Variants in PCDHGB2 observed in about 807,000 individuals in gnomAD.
The protein encoded by PCDHGB2 is protocadherin gamma subfamily B, 2.
PCDHGB2 carries 55 observed loss-of-function variants against 59.3 expected under a neutral mutation model. That is an observed-to-expected ratio of 0.93 (90% CI 0.75 to 1.16). The LOEUF is 1.16. PCDHGB2 is among the 50% of genes most tolerant of loss of function. PCDHGB2 has a pLI of 0.00. For synonymous variants in PCDHGB2, 516 were observed against 512.0 expected (o/e 1.01, Z -0.11); for missense variants, 1,228 against 1,198.5 (o/e 1.02, Z -0.36).
At chr5:141,400,036 C>G (rs1232257433) in intron 1 of PCDHGB2, 28 of 1,613,256 alleles carry the variant, frequency 1.7e-5, no homozygotes, top group Non-Finnish European at 2.4e-5. Context: ...GGCCCGCCAG[C>G]GCCTGCTGGT....
At chr5:141,364,258 C>T (rs1763242096) in intron 1 of PCDHGB2, 2 of 1,497,150 alleles carry the variant, frequency 1.3e-6, no homozygotes, top group Non-Finnish European at 1.8e-6. Flanking sequence ...GAATATGTAC[C>T]CATCGGCTTT....
At chr5:141,475,832 T>G in intron 1 of PCDHGB2, 1 of 410,610 alleles carries the variant, frequency 2.4e-6, no homozygotes, top group Non-Finnish European at 4.4e-6. Flanking sequence ...CTAGCGCGTG[T>G]CCTGCTCAGA....
At position 141,362,552 on chromosome 5, in the gene PCDHGB2, T is replaced by C. The variant is rs190493890; in HGVS notation, c.2417T>C (p.Leu806Ser). 340 of 1,612,744 alleles carry C rather than the reference T, an allele frequency of 2.1e-4. 1 individual carries two copies. The East Asian group carries it at 6.1e-3, about 29-fold the overall frequency. Reference protein sequence around the residue: ...AGVPFASDTILKQAPPNTDWR... With the variant: ...AGVPFASDTISKQAPPNTDWR... ...GTCCCTTTTGCCTCAGATACTATTT[T>C]GAAGGTGAGCTTTAATTAATTTATT... The change falls in exon 1 of 4, where the codon TTG (leucine) becomes TCG (serine). Residue 806 changes from leucine (L) to serine (S), a missense_variant. Leu to Ser is a moderately radical substitution (Grantham distance 145). Around this residue, in one of 3 missense-constraint regions of PCDHGB2, gnomAD observed 433 missense variants for 441.8 expected, o/e 0.98. Transcript: ENST00000522605.
At chr5:141,408,450 A>C in intron 1 of PCDHGB2, 1 of 1,613,944 alleles carries the variant, frequency 6.2e-7, no homozygotes, top group Non-Finnish European at 8.5e-7. Flanking sequence ...GAGAGCGGGG[A>C]CTTACTTGTG....
intron 1 of PCDHGB2, chr5:141,395,296 ATG>A: frequency 6.6e-7 from 1 of 1,524,308 alleles, no homozygotes. Flanking sequence ...GGCATAAATT[ATG>A]TTTTGAAAAA....
At chr5:141,468,877 T>C (rs1321110515) in intron 1 of PCDHGB2, among the ~76,000 whole-genome samples, 2 of 149,546 alleles carry the variant, frequency 1.3e-5, no homozygotes, top group African/African-American at 4.9e-5. Context: ...AAAATAATAA[T>C]AATAATAATA....
chr5:141,432,940 T>C lies in PCDHGB2; in HGVS notation c.2422-61867T>C, dbSNP rs142546730. On this transcript the variant is annotated intron_variant, in intron 1 of 3. Transcript: ENST00000522605. This position sits in a 1 kb window ranked among gnomAD's most constrained non-coding sequence, Gnocchi z 6.0. ...GGCACAAGTCACGCCTGCTGCAGGC[T>C]TCAGGAGGCGGCTTGACAGGAGCGC... 6 of 1,614,208 alleles carry C rather than the reference T, an allele frequency of 3.7e-6. No individual in the cohort carries two copies. The highest frequency in any genetic ancestry group is 4.2e-6 in the Non-Finnish European group (5 of 1,180,040).
At chr5:141,399,916 A>G in intron 1 of PCDHGB2, 3 of 1,612,378 alleles carry the variant, frequency 1.9e-6, no homozygotes, top group Non-Finnish European at 1.7e-6. Context: ...CTCAGGACAC[A>G]ACGCCTGGCT....
chr5:141,485,446 C>A lies in PCDHGB2; in HGVS notation c.2422-9361C>A. On this transcript the variant is annotated intron_variant, in intron 1 of 3. Transcript: ENST00000522605. This position sits in a 1 kb window ranked among gnomAD's most constrained non-coding sequence, Gnocchi z 5.7. ...CCCTGCTCATCAAGAACCCAATCGA[C>A]CGAGAGGCACTGTGTGGGCTCAGTG... is the stretch of plus-strand genomic sequence containing the variant. 6.2e-7 allele frequency: 1 copy of A among 1,614,156 alleles called. No individual in the cohort carries two copies. The highest frequency in any genetic ancestry group is 8.5e-7 in the Non-Finnish European group (1 of 1,180,018).
intron 1 of PCDHGB2, chr5:141,376,577 C>T (rs1231719593): frequency 6.3e-6 from 10 of 1,592,924 alleles, no homozygotes; most frequent in Admixed American, 1.7e-5. Flanking sequence ...CAGACAGGCT[C>T]ATCAGCTAGA....
rs189734474 is a variant in PCDHGB2, at chr5:141,512,858, G to T, written c.*1685G>T. 1 of 152,296 alleles carries T rather than the reference G, an allele frequency of 6.6e-6. No individual in the cohort carries two copies. The highest frequency in any genetic ancestry group is 1.9e-4 in the East Asian group (1 of 5,182). 9.4% of individuals were successfully genotyped at this position (152,296 alleles called of 1,614,324 possible). ...ACTTCTCCTATAAGCGCTTCTCTTC[G>T]CATAGTCACGTAGCTCCCACCCCAC... On this transcript the variant is annotated 3_prime_UTR_variant, in exon 4 of 4. Coordinates refer to ENST00000522605, the MANE Select transcript of PCDHGB2 (RefSeq NM_018923.3).
At chr5:141,411,954 A>T (rs563669924) in intron 1 of PCDHGB2, 1 of 152,382 alleles carries the variant, frequency 6.6e-6, no homozygotes, top group East Asian at 1.9e-4. Flanking sequence ...TTTTGAAGAA[A>T]AAAGATAAAA....
At position 141,361,414 on chromosome 5, in the gene PCDHGB2, G is replaced by C. The variant is rs767003818; in HGVS notation, c.1279G>C (p.Gly427Arg). 1.2e-6 allele frequency: 2 copies of C among 1,613,876 alleles called. No homozygotes were observed. The highest frequency in any genetic ancestry group is 2.2e-5 in the East Asian group (1 of 44,894). Residue 427 changes from glycine to arginine, a missense_variant, in exon 1 of 4, where the codon GGG (glycine) becomes CGG (arginine). Physicochemically the swap from Gly to Arg is moderately radical, Grantham distance 125. Transcript: ENST00000522605. ...EYNLTITATD[G>R]GKPPLSSSII... ...CAATCTCACCATCACAGCCACCGAC[G>C]GGGGCAAGCCGCCCCTCTCCTCCAG...
intron 1 of PCDHGB2, chr5:141,370,169 G>T (rs953635284): frequency 3.5e-5 from 16 of 454,700 alleles, no homozygotes; most frequent in African/African-American, 2.2e-4. Flanking sequence ...CAGCAGAGGC[G>T]CCGGGTGCCG....
intron 1 of PCDHGB2, chr5:141,416,068 A>G (rs940843403): frequency 1.2e-5 from 2 of 173,694 alleles, no homozygotes; most frequent in Non-Finnish European, 2.4e-5. Context: ...AGAATACTCA[A>G]TGCAGTTCTT....
At chr5:141,400,303 G>T (rs2094000375) in intron 1 of PCDHGB2, 1 of 1,613,908 alleles carries the variant, frequency 6.2e-7, no homozygotes, top group Non-Finnish European at 8.5e-7. Context: ...CTTCCAACCT[G>T]GTCTCTGTGT....
chr5:141,479,453 A>G (rs994349416), intron 1 of PCDHGB2: 1 of 152,266 alleles, frequency 6.6e-6, no homozygotes, highest in Non-Finnish European at 1.5e-5. Context: ...TAAGTTCAGC[A>G]TGAATACAGT....
At chr5:141,364,396 G>T in intron 1 of PCDHGB2, 3 of 1,604,434 alleles carry the variant, frequency 1.9e-6, no homozygotes, top group Non-Finnish European at 2.6e-6. Context: ...TCCTGGGGAC[G>T]CTGTGCGAGC....
intron 1 of PCDHGB2, chr5:141,418,363 C>T (rs147423305): frequency 4.4e-4 from 703 of 1,613,984 alleles, no homozygotes; most frequent in Non-Finnish European, 5.5e-4. Flanking sequence ...ATTCGCTGAG[C>T]AAATACCAAC....
Sources: gnomAD v4.1 joint callset for allele counts (sites outside exome capture counted in the v4.1 genomes callset) on GRCh38, gnomAD v4.1.1 for gene constraint, gnomAD v4.1.1 regional missense constraint, Gnocchi (gnomAD v3.1) non-coding constraint, MANE v1.5 for transcripts, NCBI Gene and HGNC (gene_info 2026-07-23, HGNC 2026-07-21) for gene names.